The following LHFPL3 variants were observed in gnomAD, a reference collection of about 807,000 sequenced individuals.
The protein encoded by LHFPL3 is LHFPL tetraspan subfamily member 3.
In LHFPL3, 5 loss-of-function variants were observed where a neutral mutation model predicts 19.3. The ratio of observed to expected loss-of-function variants is 0.26; its 90% CI spans 0.14 to 0.54. The LOEUF is 0.54. Ranked by LOEUF, LHFPL3 falls within the 20% of genes least tolerant of loss-of-function variation. The pLI is 0.94. For missense variants in LHFPL3, 249 were observed against 307.4 expected (o/e 0.81, Z 1.42); for synonymous variants, 133 against 126.2 (o/e 1.05, Z -0.36).
chr7:104,512,700 C>T (rs1031545249), intron 1 of LHFPL3, among the ~76,000 whole-genome samples: 1 of 151,902 alleles, frequency 6.6e-6, no homozygotes, highest in Non-Finnish European at 1.5e-5. Flanking sequence ...GGTGCCACTG[C>T]ACTCCAGCCT....
At chr7:104,565,193 T>A (rs1329464999) in intron 1 of LHFPL3, among the ~76,000 whole-genome samples, 1 of 152,214 alleles carries the variant, frequency 6.6e-6, no homozygotes, top group East Asian at 1.9e-4. Context: ...ACATATAAGA[T>A]GACAGATTTA....
rs536133764 is a variant in LHFPL3 at position 104,496,298 on chromosome 7, T to C, written c.445+167074T>C. 4.0e-3 allele frequency among the ~76,000 whole-genome samples: 613 copies of C among 152,236 alleles called. 4 individuals carry two copies. Among genetic ancestry groups the C allele is most frequent in the Admixed American group, 6.3e-3 (97 of 15,282 alleles). ...TCCATGTCCCTACAAAGGACATGAA[T>C]TCATCCTTTTTTATGGCTGCATAGT... On this transcript the variant is annotated intron_variant, in intron 1 of 2. Transcript: ENST00000424859.
chr7:104,763,021 T>A (rs369436779), intron 2 of LHFPL3, among the ~76,000 whole-genome samples: 1 of 152,180 alleles, frequency 6.6e-6, no homozygotes, highest in East Asian at 1.9e-4. Flanking sequence ...GCACCAGACA[T>A]TGTGTGACAG....
At chr7:104,510,643 T>A (rs1218047520) in intron 1 of LHFPL3, among the ~76,000 whole-genome samples, 1 of 151,700 alleles carries the variant, frequency 6.6e-6, no homozygotes, top group Non-Finnish European at 1.5e-5. Flanking sequence ...GTTCCTAGAC[T>A]TGACATAAAA....
chr7:104,573,815 T>C (rs898845405), intron 1 of LHFPL3, among the ~76,000 whole-genome samples: 8 of 152,224 alleles, frequency 5.3e-5, no homozygotes, highest in Non-Finnish European at 1.0e-4. Context: ...TGCTTTGCTT[T>C]GCACACTGTA....
chr7:104,835,544 C>T (rs1791073803), intron 2 of LHFPL3, among the ~76,000 whole-genome samples: 1 of 150,780 alleles, frequency 6.6e-6, no homozygotes, highest in African/African-American at 2.5e-5. Flanking sequence ...AGATGGCAAA[C>T]TAAGTAGACA....
chr7:104,878,321 A>G (rs531614063), intron 2 of LHFPL3, among the ~76,000 whole-genome samples: 1 of 152,000 alleles, frequency 6.6e-6, no homozygotes, highest in African/African-American at 2.4e-5. Context: ...GTGCAAGTCT[A>G]TCAGCACCAT....
chr7:104,471,734 G>A (rs1486367850), intron 1 of LHFPL3, among the ~76,000 whole-genome samples: 1 of 152,182 alleles, frequency 6.6e-6, no homozygotes, highest in Non-Finnish European at 1.5e-5. Context: ...GAACCAGAAA[G>A]CTGCATAATG....
chr7:104,724,080 A>G (rs1265949825), intron 1 of LHFPL3, among the ~76,000 whole-genome samples: 1 of 152,232 alleles, frequency 6.6e-6, no homozygotes, highest in East Asian at 1.9e-4. Flanking sequence ...CTGAGGCATT[A>G]GCCTAGGATC....
intron 2 of LHFPL3, among the ~76,000 whole-genome samples, chr7:104,864,370 A>G (rs1791677998): frequency 6.6e-6 from 1 of 152,164 alleles, no homozygotes; most frequent in South Asian, 2.1e-4. Flanking sequence ...CTAGTCAAAA[A>G]AAAAAGGGGT....
chr7:104,799,670 C>G (rs1790203375), intron 2 of LHFPL3: 1 of 152,738 alleles, frequency 6.5e-6, no homozygotes, highest in African/African-American at 2.4e-5. Context: ...CCCTCTCTGC[C>G]TGCAACTTAG....
rs1790690006 is a variant in LHFPL3, at chr7:104,375,241, G to A, written c.445+46017G>A. ...GTAGTCCCAGCTACACCGGGGGTGAGGCAGGAGAATCACTTGAACCTGGGA... is the reference window on the plus strand; with the variant it reads ...GTAGTCCCAGCTACACCGGGGGTGAAGCAGGAGAATCACTTGAACCTGGGA... On this transcript the variant is annotated intron_variant, in intron 1 of 2. Coordinates refer to ENST00000424859, the MANE Select transcript of LHFPL3 (RefSeq NM_199000.3). 2.0e-5 allele frequency among the ~76,000 whole-genome samples: 3 copies of A among 152,100 alleles called. No individual in the cohort carries two copies. The South Asian group carries it at 6.2e-4, about 32-fold the overall frequency.
intron 1 of LHFPL3, among the ~76,000 whole-genome samples, chr7:104,684,903 G>A (rs771921592): frequency 1.3e-5 from 2 of 152,140 alleles, no homozygotes; most frequent in African/African-American, 4.8e-5. Flanking sequence ...ACCGCCCAGG[G>A]CACCACTTGC....
At position 104,834,743 on chromosome 7, in the gene LHFPL3, C is replaced by T. The variant is rs999756125; in HGVS notation, c.683-71444C>T. ...CCATTCAGCATGGCCCATGCAGGTC[C>T]TGCAGGCGGAGAGGGCTGCTTCAGC... On this transcript the variant is annotated intron_variant, in intron 2 of 2. Coordinates refer to ENST00000424859, the MANE Select transcript of LHFPL3 (RefSeq NM_199000.3). Among the ~76,000 whole-genome samples the T allele has an allele frequency of 2.6e-5, 4 of 151,958 alleles. No homozygotes were observed. In the East Asian group the frequency reaches 7.7e-4, roughly 29 times the overall value.
At chr7:104,640,059 A>G (rs1051236076) in intron 1 of LHFPL3, among the ~76,000 whole-genome samples, 2 of 152,128 alleles carry the variant, frequency 1.3e-5, no homozygotes, top group African/African-American at 4.8e-5. Context: ...GCCATTCATA[A>G]ATGACATTGG....
At chr7:104,827,853 T>C (rs1322892916) in intron 2 of LHFPL3, among the ~76,000 whole-genome samples, 1 of 151,876 alleles carries the variant, frequency 6.6e-6, no homozygotes, top group Non-Finnish European at 1.5e-5. Flanking sequence ...TGGATCACAG[T>C]CCAGAGGTCT....
At chr7:104,459,099 G>A (rs1296926793) in intron 1 of LHFPL3, among the ~76,000 whole-genome samples, 4 of 152,204 alleles carry the variant, frequency 2.6e-5, no homozygotes, top group Non-Finnish European at 4.4e-5. Flanking sequence ...GCAGCTCAAG[G>A]TGGTATTGAT....
intron 1 of LHFPL3, among the ~76,000 whole-genome samples, chr7:104,388,607 A>G (rs1219120330): frequency 6.6e-6 from 1 of 152,166 alleles, no homozygotes; most frequent in Non-Finnish European, 1.5e-5. Flanking sequence ...AAAAACCAAT[A>G]TCTTTTTAAA....
intron 2 of LHFPL3, among the ~76,000 whole-genome samples, chr7:104,747,433 C>T (rs1042354799): frequency 6.6e-6 from 1 of 152,058 alleles, no homozygotes; most frequent in Non-Finnish European, 1.5e-5. Flanking sequence ...GACAAGAATC[C>T]CCCGTGTAGA....
Sources: allele counts gnomAD v4.1 joint callset (sites outside exome capture counted in the v4.1 genomes callset), GRCh38; gene constraint gnomAD v4.1.1; transcripts MANE v1.5; gene names NCBI Gene and HGNC (gene_info 2026-07-23, HGNC 2026-07-21).